Variants in RNF38 observed in about 807,000 individuals in gnomAD.
RNF38 encodes the protein ring finger protein 38, also known as E3 ubiquitin-protein ligase RNF38.
A neutral mutation model predicts 67.2 loss-of-function variants in RNF38; 15 were observed. The ratio of observed to expected loss-of-function variants is 0.22; its 90% confidence interval spans 0.15 to 0.34. The LOEUF (loss-of-function observed/expected upper bound fraction) is 0.34, where lower values mean the gene tolerates loss of function less well. Ranked by LOEUF, RNF38 falls within the 10% of genes least tolerant of loss-of-function variation. The pLI is 1.00. For synonymous variants in RNF38, 220 were observed against 218.8 expected (o/e 1.01, Z -0.05); for missense variants, 524 against 639.9 (o/e 0.82, Z 1.95).
chr9:36,399,281 A>G (rs1837795748), intron 1 of RNF38, among the ~76,000 whole-genome samples: 1 of 152,138 alleles, frequency 6.6e-6, no homozygotes, highest in Non-Finnish European at 1.5e-5. Flanking sequence ...CAGATTATTT[A>G]AGTCCAACTT....
intron 1 of RNF38, among the ~76,000 whole-genome samples, chr9:36,445,238 A>G (rs889043203): frequency 6.6e-6 from 1 of 152,236 alleles, no homozygotes; most frequent in Admixed American, 6.5e-5. Context: ...AAATCCAGGT[A>G]GAATGAAGTT....
At chr9:36,401,743 G>A (rs570039888), upstream of RNF38, among the ~76,000 whole-genome samples, 1 of 152,356 alleles carries the variant, frequency 6.6e-6, no homozygotes, top group Admixed American at 6.5e-5. Context: ...GGGCAGTCAA[G>A]AGGACATCAT....
intron 1 of RNF38, among the ~76,000 whole-genome samples, chr9:36,433,154 G>A (rs564712320): frequency 6.6e-6 from 1 of 151,282 alleles, no homozygotes; most frequent in Admixed American, 6.6e-5. Flanking sequence ...GGCTGGGTGG[G>A]GGAAGTAAGG....
chr9:36,445,031 T>C (rs1839270428), intron 1 of RNF38, among the ~76,000 whole-genome samples: 1 of 151,272 alleles, frequency 6.6e-6, no homozygotes, highest in Non-Finnish European at 1.5e-5. Flanking sequence ...TCAAATCTCC[T>C]GGACTATGCT....
chr9:36,347,592 CTTAA>C (rs1833367761), intron 9 of RNF38, among the ~76,000 whole-genome samples: 1 of 152,148 alleles, frequency 6.6e-6, no homozygotes, highest in African/African-American at 2.4e-5. Flanking sequence ...AGACAGAAAA[CTTAA>C]TTGATAAATG....
intron 2 of RNF38, among the ~76,000 whole-genome samples, chr9:36,407,495 G>C (rs1289062136): frequency 6.6e-6 from 1 of 152,188 alleles, no homozygotes; most frequent in Non-Finnish European, 1.5e-5. Context: ...GGACAGCCAA[G>C]TCAGAAGCAG....
intron 4 of RNF38, among the ~76,000 whole-genome samples, chr9:36,365,917 G>A (rs904478238): frequency 6.6e-6 from 1 of 151,978 alleles, no homozygotes; most frequent in Non-Finnish European, 1.5e-5. Flanking sequence ...ACCCGCCTTC[G>A]GCCTCCCAAA....
At chr9:36,384,567 G>A (rs2133950388) in intron 2 of RNF38, among the ~76,000 whole-genome samples, 1 of 152,224 alleles carries the variant, frequency 6.6e-6, no homozygotes, top group South Asian at 2.1e-4. Context: ...CAGGATGAAG[G>A]GCTGAAAAAT....
rs1044234203 is a variant in RNF38, at chr9:36,391,803, C to A, written c.13-1187G>T. 2.2e-4 allele frequency among the ~76,000 whole-genome samples: 34 copies of A among 151,992 alleles called. No homozygotes were observed. The East Asian group carries it at 3.9e-3, about 17-fold the overall frequency. ...TAATTTTTTGTATTTTTAGTAGAGA[C>A]GGGGTTTCACTGTGTTAGCCAGGAT... is the stretch of plus-strand genomic sequence containing the variant. On this transcript the variant is annotated intron_variant, in intron 1 of 11. Transcript: ENST00000259605.
At chr9:36,385,625 C>T (rs568524468) in intron 2 of RNF38, among the ~76,000 whole-genome samples, 12 of 152,092 alleles carry the variant, frequency 7.9e-5, no homozygotes, top group East Asian at 1.9e-4. Context: ...GTGATCCACC[C>T]GCCTCAGCCT....
At chr9:36,347,636 C>G (rs1238477210) in intron 9 of RNF38, among the ~76,000 whole-genome samples, 4 of 152,220 alleles carry the variant, frequency 2.6e-5, no homozygotes, top group African/African-American at 9.6e-5. Context: ...CACTGAACGA[C>G]TGGCTATTCG....
chr9:36,453,006 T>C (rs529914285), intron 1 of RNF38, among the ~76,000 whole-genome samples: 7 of 152,230 alleles, frequency 4.6e-5, no homozygotes, highest in Admixed American at 1.3e-4. Context: ...TTCAATTACG[T>C]TGGGTATCTA....
intron 1 of RNF38, among the ~76,000 whole-genome samples, chr9:36,466,120 T>C (rs1022261342): frequency 6.6e-6 from 1 of 152,178 alleles, no homozygotes; most frequent in Non-Finnish European, 1.5e-5. Flanking sequence ...GAAAATACTA[T>C]CTATTCTAAG....
At chr9:36,364,632 A>C (rs1834808531) in intron 4 of RNF38, among the ~76,000 whole-genome samples, 1 of 152,220 alleles carries the variant, frequency 6.6e-6, no homozygotes, top group South Asian at 2.1e-4. Flanking sequence ...GCTGGCATAA[A>C]TGTCTTTATT....
chr9:36,375,474 G>T (rs1321150121), intron 3 of RNF38, among the ~76,000 whole-genome samples: 1 of 152,172 alleles, frequency 6.6e-6, no homozygotes, highest in African/African-American at 2.4e-5. Flanking sequence ...TTATAGGCAT[G>T]AGCTACTACT....
intron 1 of RNF38, among the ~76,000 whole-genome samples, chr9:36,477,197 G>A (rs1243483259): frequency 6.6e-6 from 1 of 151,604 alleles, no homozygotes; most frequent in South Asian, 2.1e-4. Flanking sequence ...GGTGGTGGGC[G>A]CCTGTAATTC....
At chr9:36,353,360 ATG>A in intron 6 of RNF38, 29 bp from the exon 7 acceptor site, 8 of 1,414,706 alleles carry the variant, frequency 5.7e-6, no homozygotes, top group Non-Finnish European at 7.6e-6. Flanking sequence ...AAACACATAT[ATG>A]TATATATATA....
At chr9:36,368,861 T>C (rs1835164884) in intron 4 of RNF38, among the ~76,000 whole-genome samples, 1 of 152,086 alleles carries the variant, frequency 6.6e-6, no homozygotes, top group African/African-American at 2.4e-5. Flanking sequence ...CAGCAATTTT[T>C]ATAAGGACAT....
intron 2 of RNF38, among the ~76,000 whole-genome samples, chr9:36,409,598 G>A (rs1838273186): frequency 6.6e-6 from 1 of 152,198 alleles, no homozygotes; most frequent in African/African-American, 2.4e-5. Context: ...TACCTGTACA[G>A]TCAATAACTT....
Sources: gnomAD v4.1 joint callset for allele counts (sites outside exome capture counted in the v4.1 genomes callset) on GRCh38, gnomAD v4.1.1 for gene constraint, MANE v1.5 for transcripts, NCBI Gene and HGNC (gene_info 2026-07-23, HGNC 2026-07-21) for gene names.